The following GRM7 variants were observed in gnomAD, a reference collection of about 807,000 sequenced individuals.
GRM7 encodes the protein metabotropic glutamate receptor 7.
GRM7 carries 35 observed loss-of-function variants against 84.5 expected under a neutral mutation model. The ratio of observed to expected loss-of-function variants is 0.41; its 90% confidence interval spans 0.32 to 0.55. The LOEUF is 0.55. Ranked by LOEUF, GRM7 falls within the 20% of genes least tolerant of loss-of-function variation. The probability of loss-of-function intolerance (pLI) is 0.19; values close to 1 mark genes in which losing one functional copy is unlikely to be tolerated. For synonymous variants in GRM7, 487 were observed against 455.1 expected, an observed-to-expected ratio of 1.07 and a Z score of -0.89; for missense variants, 1,003 against 1,194.6, an observed-to-expected ratio of 0.84 and a Z score of 2.36.
At chr3:7,197,717 T>C (rs1366989263) in intron 2 of GRM7, among the ~76,000 whole-genome samples, 1 of 151,968 alleles carries the variant, frequency 6.6e-6, no homozygotes, top group African/African-American at 2.4e-5. Flanking sequence ...TTTTTTCTAG[T>C]TTAACCAGGA....
chr3:6,988,786 T>G (rs1306345544), intron 1 of GRM7, among the ~76,000 whole-genome samples: 3 of 152,192 alleles, frequency 2.0e-5, no homozygotes, highest in Non-Finnish European at 4.4e-5. Context: ...CATTTTTATT[T>G]TATATTTTTG....
intron 2 of GRM7, among the ~76,000 whole-genome samples, chr3:7,273,689 T>G (rs1698948740): frequency 6.6e-6 from 1 of 152,090 alleles, no homozygotes; most frequent in African/African-American, 2.4e-5. Context: ...TTTTGATTAG[T>G]GTTAGTATGG....
At chr3:7,599,367 G>C (rs1281816820) in intron 8 of GRM7, among the ~76,000 whole-genome samples, 1 of 151,992 alleles carries the variant, frequency 6.6e-6, no homozygotes, top group Non-Finnish European at 1.5e-5. Context: ...CCTGGCTATT[G>C]TAGGTCCCCA....
At chr3:7,692,027 T>TCTCA (rs1700821262) in intron 9 of GRM7, among the ~76,000 whole-genome samples, 1 of 152,198 alleles carries the variant, frequency 6.6e-6, no homozygotes, top group Non-Finnish European at 1.5e-5. Flanking sequence ...TATCATAAAC[T>TCTCA]CTCAGAGTTG....
At chr3:7,261,746 C>T (rs959252716) in intron 2 of GRM7, among the ~76,000 whole-genome samples, 1 of 152,166 alleles carries the variant, frequency 6.6e-6, no homozygotes, top group Admixed American at 6.5e-5. Context: ...CCTTTCCATA[C>T]TTAGTAGTTC....
intron 1 of GRM7, among the ~76,000 whole-genome samples, chr3:6,983,823 G>A (rs1243458321): frequency 2.0e-5 from 3 of 149,768 alleles, no homozygotes; most frequent in Non-Finnish European, 3.0e-5. Flanking sequence ...TGTTTTCAGT[G>A]TTCTGAGTGC....
intron 6 of GRM7, 73 bp downstream of exon 6, chr3:7,452,880 A>G (rs1369535224): frequency 9.5e-5 from 85 of 895,498 alleles, no homozygotes; most frequent in Non-Finnish European, 1.4e-4. Flanking sequence ...TTAAATGTCT[A>G]TTATTATTTA....
intron 2 of GRM7, among the ~76,000 whole-genome samples, chr3:7,161,364 A>G (rs913967598): frequency 4.0e-5 from 6 of 151,712 alleles, no homozygotes; most frequent in African/African-American, 1.5e-4. Flanking sequence ...TCAAATCGCT[A>G]GTAGTTAAAA....
At chr3:7,713,987 G>C (rs918629717) in intron 9 of GRM7, among the ~76,000 whole-genome samples, 1 of 151,970 alleles carries the variant, frequency 6.6e-6, no homozygotes, top group African/African-American at 2.4e-5. Flanking sequence ...AGAGCCACTT[G>C]CATCAGGCCT....
intron 2 of GRM7, among the ~76,000 whole-genome samples, chr3:7,223,683 A>G (rs990533668): frequency 1.3e-5 from 2 of 151,538 alleles, no homozygotes; most frequent in Non-Finnish European, 2.9e-5. Flanking sequence ...GACAATAAAA[A>G]CCTCCTATGC....
At chr3:7,002,997 A>G (rs1205036491) in intron 1 of GRM7, among the ~76,000 whole-genome samples, 1 of 152,212 alleles carries the variant, frequency 6.6e-6, no homozygotes, top group Non-Finnish European at 1.5e-5. Flanking sequence ...CAGAAAGATG[A>G]ATATCATATG....
chr3:7,572,840 AT>A (rs1694751646), intron 7 of GRM7, among the ~76,000 whole-genome samples: 3 of 19,796 alleles, frequency 1.5e-4, no homozygotes, highest in Non-Finnish European at 3.2e-4. Context: ...ATATATATAT[AT>A]ATATATATAT....
At chr3:7,130,960 C>G (rs757248135) in intron 1 of GRM7, among the ~76,000 whole-genome samples, 2 of 152,130 alleles carry the variant, frequency 1.3e-5, no homozygotes, top group African/African-American at 4.8e-5. Context: ...CACACACACA[C>G]GCACACACGT....
In GRM7 at chr3:7,679,816, A is replaced by G. The variant is rs536407606; in HGVS notation, c.2452-233A>G. Among the ~76,000 whole-genome samples the G allele has an allele frequency of 2.0e-5, 3 of 152,264 alleles. No homozygotes were observed. In the South Asian group the frequency reaches 6.2e-4, roughly 32 times the overall value. The stretch of plus-strand genomic sequence containing the variant: ...TTTACTCTGAACTTTAATATAAGAG[A>G]CTTCTGTAGGGCAAGCATGTGCATG... On this transcript the variant is annotated intron_variant, in intron 8 of 9. Transcript: ENST00000357716.
intron 4 of GRM7, among the ~76,000 whole-genome samples, chr3:7,353,461 G>A (rs1372632118): frequency 6.6e-6 from 1 of 152,022 alleles, no homozygotes; most frequent in Non-Finnish European, 1.5e-5. Context: ...TTATTTAGTG[G>A]GTTGGCAGAA....
At chr3:7,580,951 A>T (rs1358518174) in intron 8 of GRM7, among the ~76,000 whole-genome samples, 1 of 152,208 alleles carries the variant, frequency 6.6e-6, no homozygotes. Context: ...TTTATAGGGA[A>T]TGATGAGTAT....
intron 1 of GRM7, among the ~76,000 whole-genome samples, chr3:6,894,598 T>C (rs1247588721): frequency 6.6e-6 from 1 of 152,144 alleles, no homozygotes; most frequent in African/African-American, 2.4e-5. Context: ...TATACAAATA[T>C]ATACACATAT....
intron 8 of GRM7, among the ~76,000 whole-genome samples, chr3:7,641,076 T>C (rs1034413946): frequency 6.6e-6 from 1 of 152,174 alleles, no homozygotes; most frequent in African/African-American, 2.4e-5. Context: ...ACTGAATAAA[T>C]TAATCATTAA....
intron 9 of GRM7, among the ~76,000 whole-genome samples, chr3:7,708,539 C>A (rs1171416646): frequency 6.6e-6 from 1 of 152,034 alleles, no homozygotes; most frequent in African/African-American, 2.4e-5. Flanking sequence ...GTCTGTTGGA[C>A]AACATAAAGT....
Sources: allele counts gnomAD v4.1 joint callset (sites outside exome capture counted in the v4.1 genomes callset), GRCh38; gene constraint gnomAD v4.1.1; transcripts MANE v1.5; gene names NCBI Gene and HGNC (gene_info 2026-07-23, HGNC 2026-07-21).